The following MDM1 variants were observed in gnomAD, a reference collection of about 807,000 sequenced individuals.
The protein encoded by MDM1 is Mdm1 nuclear protein.
In MDM1, 61 loss-of-function variants were observed where a neutral mutation model predicts 89.1. The observed-to-expected ratio is 0.68, with a 90% confidence interval of 0.56 to 0.85. The LOEUF is 0.85. Among genes scored for constraint, MDM1 ranks in the 40% least tolerant of loss-of-function variants. The probability of loss-of-function intolerance (pLI) is 0.00; values close to 1 mark genes in which losing one functional copy is unlikely to be tolerated. For synonymous variants in MDM1, 290 were observed against 294.1 expected (o/e 0.99, Z 0.14); for missense variants, 820 against 846.5 (o/e 0.97, Z 0.39).
chr12:68,311,412 A>G (rs1347694265), intron 12 of MDM1, among the ~76,000 whole-genome samples: 1 of 152,156 alleles, frequency 6.6e-6, no homozygotes, highest in Non-Finnish European at 1.5e-5. Context: ...CCCCAGCCTT[A>G]TTCTCAGTAA....
chr12:68,303,026 G>C (rs1872431700), intron 12 of MDM1, among the ~76,000 whole-genome samples, 154 bp from the exon 13 acceptor site: 1 of 151,782 alleles, frequency 6.6e-6, no homozygotes, highest in African/African-American at 2.4e-5. Context: ...ATATGATATA[G>C]ACAAACAGAC....
At chr12:68,313,088 C>T (rs1342391394) in intron 12 of MDM1, among the ~76,000 whole-genome samples, 3 of 152,128 alleles carry the variant, frequency 2.0e-5, no homozygotes, top group Non-Finnish European at 4.4e-5. Flanking sequence ...AATGTAAGTT[C>T]AATGATGGCT....
Position 68,302,863 on chromosome 12 carries a change from G to A in MDM1, c.1759C>T (p.Arg587Cys), listed in dbSNP as rs370844986. Residue 587 changes from arginine to cysteine, a missense_variant, in exon 13 of 15, where the codon CGT becomes TGT. Transcript: ENST00000682720. ...SKNDFTKKES[R>C]AVSLLTSPAA... ...GGAGAAGTCAGTAGGGATACAGCAC[G>A]ACTTTCTTTCTAAATGACAAAAAAA... is the stretch of plus-strand genomic sequence containing the variant. The A allele has an allele frequency of 6.5e-5, 81 of 1,255,230 alleles. No individual in the cohort carries two copies. Among genetic ancestry groups the A allele is most frequent in the Non-Finnish European group, 7.9e-5 (76 of 960,236 alleles). The allele number at this position is 1,255,230 out of a possible 1,614,324, so 77.8% of individuals were successfully genotyped here.
At chr12:68,307,970 TAA>T (rs952093836) in intron 12 of MDM1, among the ~76,000 whole-genome samples, 4 of 137,674 alleles carry the variant, frequency 2.9e-5, no homozygotes, top group East Asian at 2.1e-4. Context: ...AAAATTAAAT[TAA>T]AAAAAAAAAA....
intron 13 of MDM1, among the ~76,000 whole-genome samples, chr12:68,299,224 C>A (rs1286889375): frequency 6.6e-6 from 1 of 151,968 alleles, no homozygotes; most frequent in African/African-American, 2.4e-5. Context: ...AGTAATATGA[C>A]AAAACAAGGT....
At chr12:68,305,353 A>C (rs1351771141) in intron 12 of MDM1, among the ~76,000 whole-genome samples, 1 of 152,150 alleles carries the variant, frequency 6.6e-6, no homozygotes, top group African/African-American at 2.4e-5. Flanking sequence ...CCTAAGAACA[A>C]GACAAGGATG....
chr12:68,297,033 C>A (rs757758569), intron 13 of MDM1, 51 bp from the exon 14 acceptor site: 2 of 1,374,624 alleles, frequency 1.5e-6, no homozygotes, highest in Non-Finnish European at 2.0e-6. Context: ...CACTGAACAG[C>A]TTATCTCAAT....
intron 10 of MDM1, among the ~76,000 whole-genome samples, chr12:68,314,129 TCC>T (rs1874120559): frequency 9.1e-6 from 1 of 109,710 alleles, no homozygotes. Context: ...AGAGCGAAAC[TCC>T]GTCTCAAAAA....
chr12:68,312,126 C>A (rs1947883078), intron 12 of MDM1, among the ~76,000 whole-genome samples: 1 of 152,110 alleles, frequency 6.6e-6, no homozygotes, highest in Admixed American at 6.5e-5. Context: ...CTACACCCAC[C>A]CCCTTGATGA....
intron 12 of MDM1, among the ~76,000 whole-genome samples, chr12:68,309,411 T>C (rs148957211): frequency 2.3e-4 from 35 of 152,378 alleles, no homozygotes; most frequent in African/African-American, 7.9e-4. Context: ...CCTTCCAGAA[T>C]AGTGCTAAGT....
At chr12:68,295,975 A>T (rs571950213) in intron 14 of MDM1, among the ~76,000 whole-genome samples, 1 of 152,356 alleles carries the variant, frequency 6.6e-6, no homozygotes, top group East Asian at 1.9e-4. Flanking sequence ...ATTTCAAAAC[A>T]TACAACTTGA....
rs1257712266 is a variant in MDM1, at chr12:68,316,138, G to A, written c.1151C>T (p.Ser384Phe). 3.7e-6 allele frequency: 6 copies of A among 1,613,958 alleles called. No homozygotes were observed. The highest frequency in any genetic ancestry group is 5.1e-6 in the Non-Finnish European group (6 of 1,179,934). The change falls in exon 9 of 15, where the codon TCC becomes TTC. Residue 384 changes from serine (S) to phenylalanine (F), a missense_variant. Ser to Phe is a radical substitution (Grantham distance 155, BLOSUM62 -2). Transcript: ENST00000682720. ...GGTTCCTTCTGAGCTTGTGGTTGAG[G>A]AGACATCCCAACAGCAGTTGCTATC... Reference protein sequence around the residue: ...LSDSNCCWDVSSTTSSEGTVS... With the variant: ...LSDSNCCWDVFSTTSSEGTVS...
intron 3 of MDM1, chr12:68,325,931 T>G (rs1308586365): frequency 1.0e-6 from 1 of 997,886 alleles, no homozygotes; most frequent in African/African-American, 1.7e-5. Flanking sequence ...TGAACACCCC[T>G]TCTCCTGCCT....
intron 13 of MDM1, among the ~76,000 whole-genome samples, chr12:68,299,775 G>C (rs1178353955): frequency 6.6e-6 from 1 of 152,184 alleles, no homozygotes; most frequent in African/African-American, 2.4e-5. Context: ...GGGAATAATT[G>C]AGGAAAACTT....
chr12:68,314,052 G>T (rs1295086527), intron 10 of MDM1, among the ~76,000 whole-genome samples: 1 of 151,402 alleles, frequency 6.6e-6, no homozygotes, highest in Non-Finnish European at 1.5e-5. Flanking sequence ...CGGGAGAATG[G>T]CGTGAACCCA....
intron 1 of MDM1, 65 bp from the exon 2 acceptor site, chr12:68,331,286 G>A: frequency 2.1e-6 from 2 of 942,272 alleles, no homozygotes; most frequent in Non-Finnish European, 1.7e-6. Context: ...AGCAGACATC[G>A]GTGAAAAATA....
Position 68,302,775 on chromosome 12 carries a change from T to C in MDM1, c.1847A>G (p.His616Arg), listed in dbSNP as rs1308618223. 1.2e-6 allele frequency: 2 copies of C among 1,613,058 alleles called. No individual in the cohort carries two copies. The highest frequency in any genetic ancestry group is 2.7e-5 in the African/African-American group (2 of 74,626). The change falls in exon 13 of 15, where the codon CAC (histidine) becomes CGC (arginine). Residue 616 changes from histidine to arginine, a missense_variant. Transcript: ENST00000682720. ...TGGAAGAGTTGCCTCAGCAAATTTG[T>C]GGATATTGTCTTCAGAATCTTCCCG... is the stretch of plus-strand genomic sequence containing the variant. Reference protein sequence around the residue: ...PLREDSEDNIHKFAEATLPVS... With the variant: ...PLREDSEDNIRKFAEATLPVS...
At chr12:68,314,362 T>C (rs1874168109) in intron 10 of MDM1, among the ~76,000 whole-genome samples, 1 of 151,964 alleles carries the variant, frequency 6.6e-6, no homozygotes, top group Non-Finnish European at 1.5e-5. Flanking sequence ...TACTGGATAA[T>C]GGGGAAAATC....
Position 68,303,006 on chromosome 12 carries a change from T to C in MDM1, c.1750-134A>G, listed in dbSNP as rs543644768. 25 of 769,068 alleles carry C rather than the reference T, an allele frequency of 3.3e-5. No individual in the cohort carries two copies. The East Asian group carries it at 6.0e-4, about 19-fold the overall frequency. The allele number at this position is 769,068 out of a possible 1,614,324, so 47.6% of individuals were successfully genotyped here. ...TATGAGAGAATTTATGCAACATCTATGTGGGGAAGATATGATATAGACAAA... is the reference window on the plus strand; with the variant it reads ...TATGAGAGAATTTATGCAACATCTACGTGGGGAAGATATGATATAGACAAA... On this transcript the variant is annotated intron_variant, in intron 12 of 14. Coordinates refer to ENST00000682720, the MANE Select transcript of MDM1 (RefSeq NM_001354969.2).
Sources: gnomAD v4.1 joint callset for allele counts (sites outside exome capture counted in the v4.1 genomes callset) on GRCh38, gnomAD v4.1.1 for gene constraint, MANE v1.5 for transcripts, NCBI Gene and HGNC (gene_info 2026-07-23, HGNC 2026-07-21) for gene names.